Variants in DDX60L observed in about 807,000 individuals in gnomAD.
DDX60L encodes the protein probable ATP-dependent RNA helicase DDX60-like.
Under a neutral mutation model 211.6 loss-of-function variants are expected in DDX60L, and 191 were observed. That is an observed-to-expected ratio of 0.90 (90% CI 0.80 to 1.02). The LOEUF (loss-of-function observed/expected upper bound fraction) is 1.02, where lower values mean the gene tolerates loss of function less well. DDX60L is among the 50% of genes least tolerant of loss of function. The pLI is 0.00. For synonymous variants in DDX60L, 706 were observed against 694.1 expected (o/e 1.02, Z -0.27); for missense variants, 2,007 against 1,984.1 (o/e 1.01, Z -0.22).
chr4:168,449,799 T>TAA (rs1454436778), intron 8 of DDX60L, among the ~76,000 whole-genome samples: 2 of 49,184 alleles, frequency 4.1e-5, no homozygotes, highest in African/African-American at 1.5e-4. Context: ...AACATGTGGG[T>TAA]AAAAATAAAA....
intron 34 of DDX60L, among the ~76,000 whole-genome samples, chr4:168,374,430 C>T (rs1560938706): frequency 6.6e-6 from 1 of 152,192 alleles, no homozygotes; most frequent in Admixed American, 6.5e-5. Context: ...CTTAGTCTAG[C>T]TTCTTTCCAT....
At chr4:168,417,921 T>A (rs1749850398) in intron 19 of DDX60L, among the ~76,000 whole-genome samples, 1 of 152,204 alleles carries the variant, frequency 6.6e-6, no homozygotes, top group Non-Finnish European at 1.5e-5. Context: ...TTTGATCTAG[T>A]CAGATAATCG....
chr4:168,414,873 G>A (rs1749276017), intron 22 of DDX60L, among the ~76,000 whole-genome samples: 1 of 151,310 alleles, frequency 6.6e-6, no homozygotes, highest in Non-Finnish European at 1.5e-5. Flanking sequence ...AAGACAGTGG[G>A]TTGGGTGGAA....
rs779009900 is a variant in DDX60L at position 168,416,710 on chromosome 4, T to C, written c.2698A>G (p.Thr900Ala). The C allele has an allele frequency of 8.1e-6, 13 of 1,602,048 alleles. No homozygotes were observed. Among genetic ancestry groups the C allele is most frequent in the South Asian group, 5.7e-5 (5 of 87,984 alleles). Residue 900 changes from threonine (T) to alanine (A), a missense_variant, in exon 20 of 38, where the codon ACC (threonine) becomes GCC (alanine). Transcript: ENST00000682922. The stretch of plus-strand genomic sequence containing the variant: ...GTGAGAAGATTTGGGTTATTTATGG[T>C]AGCTGAAAGAACCAAAAAGGGACAT... Reference protein sequence around the residue: ...IRCPFLVLSATINNPNLLTKW... With the variant: ...IRCPFLVLSAAINNPNLLTKW...
At chr4:168,440,355 C>T (rs1190807406) in intron 10 of DDX60L, among the ~76,000 whole-genome samples, 8 of 152,204 alleles carry the variant, frequency 5.3e-5, no homozygotes, top group Admixed American at 5.2e-4. Flanking sequence ...CATAAAGCTG[C>T]ATTTCTATGT....
At chr4:168,466,798 CT>C (rs1758052680) in intron 4 of DDX60L, among the ~76,000 whole-genome samples, 1 of 152,126 alleles carries the variant, frequency 6.6e-6, no homozygotes, top group East Asian at 1.9e-4. Flanking sequence ...CATGTATCCC[CT>C]TTTGGTAAGC....
At chr4:168,414,562 T>A (rs1749216997) in intron 22 of DDX60L, among the ~76,000 whole-genome samples, 1 of 152,138 alleles carries the variant, frequency 6.6e-6, no homozygotes, top group Non-Finnish European at 1.5e-5. Context: ...GACTCTCATG[T>A]TTATTGCAGC....
chr4:168,428,365 T>A lies in DDX60L; in HGVS notation c.1678-1043A>T, dbSNP rs1299537564. On this transcript the variant is annotated intron_variant, in intron 13 of 37. Transcript: ENST00000682922. The stretch of plus-strand genomic sequence containing the variant: ...ATTATCTAGAATGGCTTTGAGGAGA[T>A]ATCCTGTCACTGATTGTAGCCTTTG... 3.3e-5 allele frequency among the ~76,000 whole-genome samples: 5 copies of A among 152,178 alleles called. 1 individual carries two copies. The East Asian group carries it at 9.6e-4, about 29-fold the overall frequency.
chr4:168,441,083 A>G (rs1034365667), intron 10 of DDX60L, among the ~76,000 whole-genome samples: 1 of 152,098 alleles, frequency 6.6e-6, no homozygotes, highest in African/African-American at 2.4e-5. Context: ...AGGTGCTGGA[A>G]ATGGCCTCTC....
intron 5 of DDX60L, among the ~76,000 whole-genome samples, chr4:168,458,487 C>T (rs1255084316): frequency 6.6e-6 from 1 of 152,162 alleles, no homozygotes; most frequent in Non-Finnish European, 1.5e-5. Context: ...AAAGGAACAA[C>T]ATCATGTCCT....
intron 4 of DDX60L, chr4:168,468,932 A>G (rs1758375227): frequency 2.6e-5 from 4 of 152,224 alleles, no homozygotes; most frequent in Non-Finnish European, 5.9e-5. Flanking sequence ...TCCACACTGA[A>G]GACTACAAAA....
intron 22 of DDX60L, among the ~76,000 whole-genome samples, chr4:168,411,053 G>A (rs1055901772): frequency 6.6e-6 from 1 of 152,212 alleles, no homozygotes; most frequent in Non-Finnish European, 1.5e-5. Flanking sequence ...TGACTTTGAG[G>A]ATCTAATGAA....
At chr4:168,373,050 T>C (rs1398927110) in intron 35 of DDX60L, among the ~76,000 whole-genome samples, 3 of 152,190 alleles carry the variant, frequency 2.0e-5, no homozygotes, top group Non-Finnish European at 4.4e-5. Context: ...TGCAAGAAGA[T>C]TCACGATTTT....
intron 4 of DDX60L, among the ~76,000 whole-genome samples, chr4:168,464,443 A>ATTTTT (rs34052527): frequency 0.14 from 19,275 of 138,818 alleles, 1,836 homozygotes; most frequent in Non-Finnish European, 0.18. Flanking sequence ...TTATAATTGT[A>ATTTTT]TTTTTTTTTT....
intron 36 of DDX60L, among the ~76,000 whole-genome samples, chr4:168,365,052 C>G (rs1739735723): frequency 6.6e-6 from 1 of 151,936 alleles, no homozygotes; most frequent in Admixed American, 6.6e-5. Flanking sequence ...GAATTTATAG[C>G]AATAAAGGCC....
chr4:168,410,516 C>T (rs967712101), intron 22 of DDX60L, among the ~76,000 whole-genome samples: 10 of 152,054 alleles, frequency 6.6e-5, no homozygotes, highest in African/African-American at 2.4e-5. Context: ...AGAATAAGGA[C>T]AGGATCAGAA....
chr4:168,448,287 A>G (rs1466423818), intron 9 of DDX60L, among the ~76,000 whole-genome samples: 1 of 152,206 alleles, frequency 6.6e-6, no homozygotes, highest in Non-Finnish European at 1.5e-5. Flanking sequence ...TTATGTATGT[A>G]CCAAAATGCA....
chr4:168,453,254 T>G lies in DDX60L; in HGVS notation c.866A>C (p.Glu289Ala). ...ACGCAGTCTGCAGAAATCTTCCACC[T>G]CCTGCAGGGATAGGCAATTACTGTG... Reference protein sequence around the residue: ...LVHSNCLSLQEVEDFCRLRCL... With the variant: ...LVHSNCLSLQAVEDFCRLRCL... Residue 289 changes from glutamate (E) to alanine (A), a missense_variant, in exon 8 of 38, where the codon GAG (glutamate) becomes GCG (alanine). Transcript: ENST00000682922. 6.2e-7 allele frequency: 1 copy of G among 1,612,310 alleles called. No homozygotes were observed. Among genetic ancestry groups the G allele is most frequent in the Non-Finnish European group, 8.5e-7 (1 of 1,179,022 alleles).
intron 10 of DDX60L, among the ~76,000 whole-genome samples, chr4:168,437,326 A>G (rs1280958720): frequency 6.6e-6 from 1 of 152,234 alleles, no homozygotes; most frequent in East Asian, 1.9e-4. Flanking sequence ...CCCAGAGGAA[A>G]CACACAGAGA....
Sources: gnomAD v4.1 joint callset for allele counts (sites outside exome capture counted in the v4.1 genomes callset) on GRCh38, gnomAD v4.1.1 for gene constraint, MANE v1.5 for transcripts, NCBI Gene and HGNC (gene_info 2026-07-23, HGNC 2026-07-21) for gene names.